PAFAH1B2: variants seen among roughly 807,000 people sequenced by gnomAD.
PAFAH1B2 encodes platelet-activating factor acetylhydrolase IB subunit alpha2.
A neutral mutation model predicts 28.0 loss-of-function variants in PAFAH1B2; 8 were observed. That is an observed-to-expected ratio of 0.29 (90% CI 0.17 to 0.52). PAFAH1B2 has a LOEUF of 0.52. Ranked by LOEUF, PAFAH1B2 falls within the 20% of genes least tolerant of loss-of-function variation. PAFAH1B2 has a pLI of 0.97. For synonymous variants in PAFAH1B2, 104 were observed against 103.2 expected (o/e 1.01, Z -0.05); for missense variants, 190 against 282.6 (o/e 0.67, Z 2.35).
intron 5 of PAFAH1B2, chr11:117,164,127 G>T (rs1956441965): frequency 5.6e-6 from 2 of 359,942 alleles, no homozygotes; most frequent in African/African-American, 2.1e-5. Flanking sequence ...GGAAGCCGTG[G>T]CCAGGCGCTG....
At chr11:117,149,194 C>T (rs903512912) in intron 1 of PAFAH1B2, among the ~76,000 whole-genome samples, 1 of 151,282 alleles carries the variant, frequency 6.6e-6, no homozygotes, top group African/African-American at 2.4e-5. Flanking sequence ...AAGCAATCCT[C>T]CTGACTCAGC....
intron 1 of PAFAH1B2, among the ~76,000 whole-genome samples, chr11:117,144,989 T>C (rs920032080): frequency 6.6e-6 from 1 of 152,220 alleles, no homozygotes; most frequent in Non-Finnish European, 1.5e-5. Context: ...TTCAACTCTT[T>C]AGAAACTTCT....
chr11:117,159,772 G>T, intron 2 of PAFAH1B2, 162 bp from the exon 3 acceptor site: 2 of 513,350 alleles, frequency 3.9e-6, no homozygotes, highest in South Asian at 3.2e-5. Flanking sequence ...AGTTGTTTTT[G>T]TAGAGATGGG....
At chr11:117,145,878 C>T (rs1955992334) in intron 1 of PAFAH1B2, among the ~76,000 whole-genome samples, 1 of 152,188 alleles carries the variant, frequency 6.6e-6, no homozygotes, top group African/African-American at 2.4e-5. Flanking sequence ...CGTGGTTTCT[C>T]ATTAAATACA....
Position 117,169,452 on chromosome 11 carries a change from C to A in PAFAH1B2, c.*1753C>A. ...TCCGCTTAATGTTTAAATTCAGTAA[C>A]GTACTTGAAAGGCAAATTTCAGTGC... On this transcript the variant is annotated 3_prime_UTR_variant, in exon 6 of 6. Transcript: ENST00000527958. 9.5e-7 allele frequency: 1 copy of A among 1,050,052 alleles called. No individual in the cohort carries two copies. 65.0% of individuals were successfully genotyped at this position (1,050,052 alleles called of 1,614,324 possible). A position where few individuals can be genotyped will look rare whatever the true frequency, so the allele number is the denominator to read the frequency against.
Position 117,167,443 on chromosome 11 carries a change from A to G in PAFAH1B2, c.434A>G (p.Lys145Arg), listed in dbSNP as rs753148278. The G allele has an allele frequency of 6.3e-7, 1 of 1,588,544 alleles. No homozygotes were observed. Among genetic ancestry groups the G allele is most frequent in the Non-Finnish European group, 8.6e-7 (1 of 1,161,334 alleles). ...CAGGGTTTGTTACCTCGAGGTGAGA[A>G]ACCCAATCCTTTGAGGCAAAAGAAC... is the stretch of plus-strand genomic sequence containing the variant. ...IVLGLLPRGE[K>R]PNPLRQKNAK... Residue 145 changes from lysine (K) to arginine (R), a missense_variant, in exon 6 of 6, where the codon AAA becomes AGA. Physicochemically the swap from Lys to Arg is conservative, Grantham distance 26 (BLOSUM62 2). Transcript: ENST00000527958.
At chr11:117,177,246 T>G (rs919349443), downstream of PAFAH1B2, among the ~76,000 whole-genome samples, 4 of 152,288 alleles carry the variant, frequency 2.6e-5, no homozygotes, top group Admixed American at 2.6e-4. Flanking sequence ...TATAAATATA[T>G]ATACATTGTA....
intron 5 of PAFAH1B2, 88 bp from the exon 6 acceptor site, chr11:117,167,333 A>T: frequency 7.6e-7 from 1 of 1,312,288 alleles, no homozygotes; most frequent in East Asian, 2.5e-5. Flanking sequence ...TGCCAAATGG[A>T]GATGTTCCAG....
chr11:117,149,444 T>TTTTTTA (rs55897321), intron 1 of PAFAH1B2, among the ~76,000 whole-genome samples: 1 of 142,328 alleles, frequency 7.0e-6, no homozygotes, highest in African/African-American at 2.6e-5. Flanking sequence ...TTTTTTTTTT[T>TTTTTTA]GAGATGGAGT....
Position 117,163,882 on chromosome 11 carries a change from T to C in PAFAH1B2, c.401T>C (p.Ile134Thr), listed in dbSNP as rs1183634907. ...AACACAAGGCAGCCACAGGCCAAAA[T>C]CATTGTATTGGTATGTAGTCGTTGG... ...LINTRQPQAK[I>T]IVLGLLPRGE... The change falls in exon 5 of 6, where the codon ATC (isoleucine) becomes ACC (threonine). Residue 134 changes from isoleucine (I) to threonine (T), a missense_variant. Coordinates refer to ENST00000527958, the MANE Select transcript of PAFAH1B2 (RefSeq NM_002572.4). 1 of 1,613,820 alleles carries C rather than the reference T, an allele frequency of 6.2e-7. No individual in the cohort carries two copies. Among genetic ancestry groups the C allele is most frequent in the Non-Finnish European group, 8.5e-7 (1 of 1,179,860 alleles).
In PAFAH1B2 at chr11:117,168,446, GTTTTTTT is replaced by G. The variant is rs71469127; in HGVS notation, c.*766_*772del. On this transcript the variant is annotated 3_prime_UTR_variant, in exon 6 of 6. Transcript: ENST00000527958. ...TCCCCTTCATTCCCCCCGCCACCCC[GTTTTTTT>G]TTTTTTTTTTTTTTTTTTGGTTCTT... 666 of 235,958 alleles carry G rather than the reference GTTTTTTT, an allele frequency of 2.8e-3. 14 individuals carry two copies. The East Asian group carries it at 0.055, about 19-fold the overall frequency. The allele number at this position is 235,958 out of a possible 1,614,324, so 14.6% of individuals were successfully genotyped here. A position where few individuals can be genotyped will look rare whatever the true frequency, so the allele number is the denominator to read the frequency against.
chr11:117,148,620 G>C (rs1467575333), intron 1 of PAFAH1B2, among the ~76,000 whole-genome samples: 2 of 152,156 alleles, frequency 1.3e-5, no homozygotes, highest in African/African-American at 4.8e-5. Flanking sequence ...ATCCATGCCT[G>C]TTTATTGAAT....
Position 117,169,612 on chromosome 11 carries a change from C to T in PAFAH1B2, c.*1913C>T. The stretch of plus-strand genomic sequence containing the variant: ...TTGGTTTTGTTCTTTTTAAAAAATA[C>T]ATACTTTTTTGAATGTATCATGTCT... On this transcript the variant is annotated 3_prime_UTR_variant, in exon 6 of 6. Transcript: ENST00000527958. 9.5e-7 allele frequency: 1 copy of T among 1,050,326 alleles called. No individual in the cohort carries two copies. Among genetic ancestry groups the T allele is most frequent in the Non-Finnish European group, 1.2e-6 (1 of 868,928 alleles). The allele number at this position is 1,050,326 out of a possible 1,614,324, so 65.1% of individuals were successfully genotyped here.
downstream of PAFAH1B2, chr11:117,175,807 C>T (rs1389722600): frequency 8.1e-7 from 1 of 1,236,310 alleles, no homozygotes; most frequent in Non-Finnish European, 1.1e-6. Flanking sequence ...TGGTGCTTGC[C>T]TGTAATCCAG....
At chr11:117,148,470 C>T (rs1189751694) in intron 1 of PAFAH1B2, among the ~76,000 whole-genome samples, 1 of 152,188 alleles carries the variant, frequency 6.6e-6, no homozygotes, top group African/African-American at 2.4e-5. Flanking sequence ...GCTCTGCTGT[C>T]ATGGAGAAGT....
At chr11:117,175,724 G>A (rs2029941111), downstream of PAFAH1B2, 1 of 1,120,022 alleles carries the variant, frequency 8.9e-7, no homozygotes. Context: ...TGTGAAGTAG[G>A]ACTCTGGATG....
At chr11:117,148,865 A>G (rs1349475190) in intron 1 of PAFAH1B2, among the ~76,000 whole-genome samples, 1 of 151,650 alleles carries the variant, frequency 6.6e-6, no homozygotes, top group Non-Finnish European at 1.5e-5. Context: ...TAGGAAAAAA[A>G]TCTCAGAACA....
downstream of PAFAH1B2, among the ~76,000 whole-genome samples, chr11:117,172,370 A>T (rs1012422351): frequency 8.9e-5 from 3 of 33,638 alleles, no homozygotes; most frequent in Admixed American, 3.9e-4. Context: ...ATATATATAT[A>T]TATATATATA....
chr11:117,172,381 T>TTTTTTAC (rs1956680519), downstream of PAFAH1B2, among the ~76,000 whole-genome samples: 2 of 5,456 alleles, frequency 3.7e-4, no homozygotes, highest in Non-Finnish European at 6.5e-4. Context: ...TATATATATA[T>TTTTTTAC]ATATATATAT....
Sources: allele counts gnomAD v4.1 joint callset (sites outside exome capture counted in the v4.1 genomes callset), GRCh38; gene constraint gnomAD v4.1.1; transcripts MANE v1.5; gene names NCBI Gene and HGNC (gene_info 2026-07-23, HGNC 2026-07-21).